Variants in PHACTR3 observed in about 807,000 individuals in gnomAD.
PHACTR3 encodes phosphatase and actin regulator 3, also known as protein phosphatase 1, regulatory subunit 123.
Under a neutral mutation model 66.8 loss-of-function variants are expected in PHACTR3, and 16 were observed. The ratio of observed to expected loss-of-function variants is 0.24; its 90% CI spans 0.16 to 0.36. The LOEUF (loss-of-function observed/expected upper bound fraction) is 0.36, where lower values mean the gene tolerates loss of function less well. PHACTR3 is among the 10% of genes least tolerant of loss of function. The pLI, the probability that PHACTR3 is intolerant of heterozygous loss-of-function variation, is 1.00. For synonymous variants in PHACTR3, 323 were observed against 292.1 expected, an observed-to-expected ratio of 1.11 and a Z score of -1.08; for missense variants, 647 against 719.9, an observed-to-expected ratio of 0.90 and a Z score of 1.16.
intron 1 of PHACTR3, among the ~76,000 whole-genome samples, chr20:59,742,061 C>T (rs1361418487): frequency 6.6e-6 from 1 of 152,202 alleles, no homozygotes; most frequent in East Asian, 1.9e-4. Context: ...GTGCCCAGCC[C>T]CGGGGTTCCC....
At chr20:59,638,780 A>T (rs1451240882) in intron 1 of PHACTR3, among the ~76,000 whole-genome samples, 1 of 135,138 alleles carries the variant, frequency 7.4e-6, no homozygotes, top group African/African-American at 2.9e-5. Context: ...GGACGGATGG[A>T]TAAATGGAGA....
At chr20:59,636,887 T>C (rs2034918445) in intron 1 of PHACTR3, among the ~76,000 whole-genome samples, 1 of 152,240 alleles carries the variant, frequency 6.6e-6, no homozygotes, top group Non-Finnish European at 1.5e-5. Flanking sequence ...TGTGTTACAG[T>C]GTAGGTATTT....
At chr20:59,612,084 G>A (rs1337696651) in intron 1 of PHACTR3, among the ~76,000 whole-genome samples, 1 of 152,108 alleles carries the variant, frequency 6.6e-6, no homozygotes, top group Non-Finnish European at 1.5e-5. Context: ...TTTAGCCAGG[G>A]CAGCATATAT....
intron 1 of PHACTR3, among the ~76,000 whole-genome samples, chr20:59,615,180 T>A (rs568513281): frequency 2.0e-4 from 30 of 152,122 alleles, no homozygotes; most frequent in Admixed American, 3.3e-4. Flanking sequence ...ATAGTAATAA[T>A]GTAGTGGTGG....
At chr20:59,753,919 T>G (rs1568782990) in intron 3 of PHACTR3, among the ~76,000 whole-genome samples, 1 of 152,152 alleles carries the variant, frequency 6.6e-6, no homozygotes, top group African/African-American at 2.4e-5. Flanking sequence ...AAATGTTGCC[T>G]CCTCCTTCCA....
At chr20:59,679,811 C>G (rs767801332) in intron 1 of PHACTR3, among the ~76,000 whole-genome samples, 6 of 152,088 alleles carry the variant, frequency 3.9e-5, no homozygotes, top group Non-Finnish European at 7.4e-5. Context: ...GAGACTTATT[C>G]ACTACCACAA....
chr20:59,769,092 GC>G (rs1293979740), intron 5 of PHACTR3, among the ~76,000 whole-genome samples: 1 of 152,204 alleles, frequency 6.6e-6, no homozygotes, highest in Non-Finnish European at 1.5e-5. Flanking sequence ...TTCCTGCTTT[GC>G]CTGGTCAGTA....
intron 1 of PHACTR3, among the ~76,000 whole-genome samples, chr20:59,622,996 A>AAAAAAAAAAAC (rs1568940612): frequency 6.8e-6 from 1 of 146,536 alleles, no homozygotes; most frequent in African/African-American, 2.5e-5. Flanking sequence ...AAAAAAAAAA[A>AAAAAAAAAAAC]AAAAACCCAA....
intron 5 of PHACTR3, among the ~76,000 whole-genome samples, chr20:59,770,495 G>A (rs1303632669): frequency 6.6e-6 from 1 of 152,220 alleles, no homozygotes; most frequent in African/African-American, 2.4e-5. Context: ...AGGCAGGACT[G>A]CAGGTGTCTT....
intron 9 of PHACTR3, 128 bp from the exon 10 acceptor site, chr20:59,840,241 G>A: frequency 1.4e-6 from 2 of 1,399,240 alleles, no homozygotes; most frequent in South Asian, 3.0e-5. Context: ...AAAACACCAT[G>A]AGTGATGTGG....
chr20:59,740,022 C>G (rs537903953), intron 1 of PHACTR3, among the ~76,000 whole-genome samples: 9 of 152,150 alleles, frequency 5.9e-5, no homozygotes, highest in Non-Finnish European at 1.3e-4. Flanking sequence ...TGATCTCTAG[C>G]TCATAGATTT....
At chr20:59,655,336 T>G (rs2035582767) in intron 1 of PHACTR3, among the ~76,000 whole-genome samples, 1 of 152,102 alleles carries the variant, frequency 6.6e-6, no homozygotes, top group Non-Finnish European at 1.5e-5. Context: ...ATGTAAACTT[T>G]AATTGTTTTA....
At chr20:59,621,241 G>T (rs1305963299) in intron 1 of PHACTR3, among the ~76,000 whole-genome samples, 2 of 152,248 alleles carry the variant, frequency 1.3e-5, no homozygotes, top group African/African-American at 4.8e-5. Flanking sequence ...CCCCTGTGCA[G>T]GTAGGTTATT....
At chr20:59,702,870 T>G (rs1002945520) in intron 1 of PHACTR3, among the ~76,000 whole-genome samples, 1 of 152,194 alleles carries the variant, frequency 6.6e-6, no homozygotes, top group Non-Finnish European at 1.5e-5. Context: ...TGGACCTGGG[T>G]GGGATCATAG....
At chr20:59,681,819 T>G (rs1252187554) in intron 1 of PHACTR3, among the ~76,000 whole-genome samples, 1 of 152,136 alleles carries the variant, frequency 6.6e-6, no homozygotes, top group Non-Finnish European at 1.5e-5. Context: ...GAGACCAGCC[T>G]GACCAACATG....
At chr20:59,780,214 A>C (rs926661758) in intron 7 of PHACTR3, among the ~76,000 whole-genome samples, 11 of 152,186 alleles carry the variant, frequency 7.2e-5, no homozygotes, top group African/African-American at 2.7e-4. Flanking sequence ...CCAGGTGCTC[A>C]TGACAGCAAG....
rs1234854630 is a variant in PHACTR3, at chr20:59,845,165, C to T, written c.1588-24C>T. ...CTGATTTTTTTAATATCCTGTAAAA[C>T]AATGTCTTGTTTTTAAATTTCAGGC... On this transcript the variant is annotated intron_variant, in intron 11 of 12. Transcript: ENST00000371015. The T allele has an allele frequency of 1.4e-6, 2 of 1,443,256 alleles. 1 individual carries two copies. The highest frequency in any genetic ancestry group is 2.3e-5 in the South Asian group (2 of 85,488). The allele number at this position is 1,443,256 out of a possible 1,614,324, so 89.4% of individuals were successfully genotyped here. A position where few individuals can be genotyped will look rare whatever the true frequency, so the allele number is the denominator to read the frequency against.
At chr20:59,589,998 C>T (rs2033142110) in intron 1 of PHACTR3, among the ~76,000 whole-genome samples, 1 of 152,236 alleles carries the variant, frequency 6.6e-6, no homozygotes, top group Non-Finnish European at 1.5e-5. Flanking sequence ...CTGTAGGCAG[C>T]TGTTTCACCA....
At chr20:59,833,385 G>A (rs368940154) in intron 8 of PHACTR3, among the ~76,000 whole-genome samples, 1 of 152,230 alleles carries the variant, frequency 6.6e-6, no homozygotes, top group Non-Finnish European at 1.5e-5. Context: ...CTGGGAACAT[G>A]GTCCGCGATC....
Sources: allele counts gnomAD v4.1 joint callset (sites outside exome capture counted in the v4.1 genomes callset), GRCh38; gene constraint gnomAD v4.1.1; transcripts MANE v1.5; gene names NCBI Gene and HGNC (gene_info 2026-07-23, HGNC 2026-07-21).